Variants in SLIT2 observed in about 807,000 individuals in gnomAD.
The protein encoded by SLIT2 is slit homolog 2 protein.
In SLIT2, 41 loss-of-function variants were observed where a neutral mutation model predicts 185.7. The ratio of observed to expected loss-of-function variants is 0.22; its 90% confidence interval spans 0.17 to 0.29. The LOEUF (loss-of-function observed/expected upper bound fraction) is 0.29. Among genes scored for constraint, SLIT2 ranks in the 10% least tolerant of loss-of-function variants. SLIT2 has a pLI of 1.00. For synonymous variants in SLIT2, 693 were observed against 680.2 expected (o/e 1.02, Z -0.29); for missense variants, 1,571 against 1,909.0 (o/e 0.82, Z 3.30).
intron 33 of SLIT2, among the ~76,000 whole-genome samples, chr4:20,606,507 A>G (rs1394838501): frequency 6.6e-6 from 1 of 151,940 alleles, no homozygotes. Flanking sequence ...ATCTAAAATC[A>G]TGAACTTTAC....
intron 4 of SLIT2, among the ~76,000 whole-genome samples, chr4:20,371,230 C>T (rs1723542294): frequency 6.6e-6 from 1 of 151,970 alleles, no homozygotes; most frequent in Non-Finnish European, 1.5e-5. Context: ...CTCACAGTCA[C>T]ACATGCACAT....
At chr4:20,300,351 C>T (rs1047685890) in intron 4 of SLIT2, among the ~76,000 whole-genome samples, 2 of 151,964 alleles carry the variant, frequency 1.3e-5, no homozygotes, top group Admixed American at 6.6e-5. Flanking sequence ...TAGGGTATAT[C>T]TTATCAAAAG....
At chr4:20,526,736 A>C (rs1424717186) in intron 15 of SLIT2, among the ~76,000 whole-genome samples, 1 of 152,190 alleles carries the variant, frequency 6.6e-6, no homozygotes, top group Non-Finnish European at 1.5e-5. Flanking sequence ...AATTTATGAT[A>C]ATTTAATTTA....
chr4:20,278,646 C>CA (rs1051552995), intron 4 of SLIT2, among the ~76,000 whole-genome samples: 27 of 150,890 alleles, frequency 1.8e-4, no homozygotes, highest in Non-Finnish European at 2.8e-4. Context: ...AAAACAAAAA[C>CA]AAAAAAAACA....
chr4:20,618,868 A>T lies in SLIT2; in HGVS notation c.4449A>T (p.Arg1483Ser), dbSNP rs968419902. 1 of 1,614,156 alleles carries T rather than the reference A, an allele frequency of 6.2e-7. No individual in the cohort carries two copies. The highest frequency in any genetic ancestry group is 8.5e-7 in the Non-Finnish European group (1 of 1,180,022). The change falls in exon 37 of 37, where the codon AGA becomes AGT. Residue 1483 changes from arginine (R) to serine (S), a missense_variant. Arg to Ser is a moderately radical substitution (Grantham distance 110, BLOSUM62 -1). Around this residue, in one of 3 missense-constraint regions of SLIT2, gnomAD observed 223 missense variants for 245.2 expected, o/e 0.91. Transcript: ENST00000504154. ...AGAAGGTGTCCCGATTAGAGTGCAGAGGTGGGTGTGCAGGAGGGCAGTGCT... is the reference window on the plus strand; with the variant it reads ...AGAAGGTGTCCCGATTAGAGTGCAGTGGTGGGTGTGCAGGAGGGCAGTGCT... ...TTKKVSRLECRGGCAGGQCCG... is the reference protein window; with the variant it reads ...TTKKVSRLECSGGCAGGQCCG...
intron 4 of SLIT2, among the ~76,000 whole-genome samples, chr4:20,422,028 C>G (rs1728208074): frequency 6.6e-6 from 1 of 152,180 alleles, no homozygotes; most frequent in African/African-American, 2.4e-5. Context: ...TGCTCTGTCA[C>G]TACCAAGATT....
chr4:20,374,779 G>A (rs1199524188), intron 4 of SLIT2, among the ~76,000 whole-genome samples: 2 of 151,902 alleles, frequency 1.3e-5, no homozygotes, highest in East Asian at 3.9e-4. Flanking sequence ...GCTACATGTT[G>A]TTATAATAAT....
intron 29 of SLIT2, among the ~76,000 whole-genome samples, chr4:20,574,516 G>C (rs1725909817): frequency 6.6e-6 from 1 of 152,170 alleles, no homozygotes. Context: ...ACTGGGCACA[G>C]TGGCTTACGC....
At chr4:20,430,697 T>C (rs537126944) in intron 4 of SLIT2, among the ~76,000 whole-genome samples, 2 of 152,340 alleles carry the variant, frequency 1.3e-5, no homozygotes, top group Admixed American at 6.5e-5. Flanking sequence ...CAATAACACA[T>C]TGTATAAATA....
chr4:20,487,572 G>C (rs1346760825), intron 7 of SLIT2, among the ~76,000 whole-genome samples: 1 of 151,934 alleles, frequency 6.6e-6, no homozygotes, highest in Non-Finnish European at 1.5e-5. Context: ...AATGTGCTTG[G>C]TTTAGACGGA....
intron 10 of SLIT2, 46 bp downstream of exon 10, chr4:20,510,612 G>C: frequency 8.4e-7 from 1 of 1,193,746 alleles, no homozygotes. Flanking sequence ...AAAAATTATA[G>C]AGGTCATGAG....
intron 4 of SLIT2, among the ~76,000 whole-genome samples, chr4:20,321,533 AAAG>A (rs1258872261): frequency 6.6e-6 from 1 of 152,182 alleles, no homozygotes; most frequent in African/African-American, 2.4e-5. Flanking sequence ...CTAAACACAT[AAAG>A]GTCACTTCCT....
intron 4 of SLIT2, among the ~76,000 whole-genome samples, chr4:20,354,898 TGTGTGTGTGAGAGAGAGA>T (rs985038346): frequency 2.4e-5 from 3 of 124,098 alleles, no homozygotes; most frequent in African/African-American, 9.7e-5. Context: ...TGTGTGTGTG[TGTGTGTGTGAGAGAGAGA>T]GAGAGAGAGA....
In SLIT2 at chr4:20,528,647, T is replaced by C. The variant is rs1478863970; in HGVS notation, c.1463-302T>C. ...AAAAAATAAACTTTTTAATAATTAA[T>C]ATCCATTGTGTGACTAGCTGTGAAG... On this transcript the variant is annotated intron_variant, in intron 15 of 36. Transcript: ENST00000504154. This position sits in a 1 kb window ranked among gnomAD's most constrained non-coding sequence, Gnocchi z 4.2. 6.6e-6 allele frequency among the ~76,000 whole-genome samples: 1 copy of C among 152,182 alleles called. No homozygotes were observed. Among genetic ancestry groups the C allele is most frequent in the Non-Finnish European group, 1.5e-5 (1 of 68,028 alleles).
intron 4 of SLIT2, among the ~76,000 whole-genome samples, chr4:20,390,412 G>T (rs1210031342): frequency 6.6e-6 from 1 of 152,074 alleles, no homozygotes; most frequent in Non-Finnish European, 1.5e-5. Flanking sequence ...TGCAGTGGAT[G>T]ATAGGAAAAA....
At chr4:20,533,457 C>A in intron 17 of SLIT2, 115 bp from the exon 18 acceptor site, 1 of 709,620 alleles carries the variant, frequency 1.4e-6, no homozygotes, top group Non-Finnish European at 2.4e-6. Flanking sequence ...CCTGGCAGTG[C>A]TGGGCAGTGA....
rs1223432121 is a variant in SLIT2, at chr4:20,531,964, A to G, written c.1614-20A>G. On this transcript the variant is annotated intron_variant, in intron 16 of 36. Transcript: ENST00000504154. ...TAACTATTGGTAATAAAACTTCTCT[A>G]TTCCTTCTTTTTTCTTCAGGCGTCT... 3 of 1,478,472 alleles carry G rather than the reference A, an allele frequency of 2.0e-6. No individual in the cohort carries two copies. The highest frequency in any genetic ancestry group is 2.8e-6 in the Non-Finnish European group (3 of 1,085,570). 91.6% of individuals were successfully genotyped at this position (1,478,472 alleles called of 1,614,324 possible). A position where few individuals can be genotyped will look rare whatever the true frequency, so the allele number is the denominator to read the frequency against.
intron 7 of SLIT2, among the ~76,000 whole-genome samples, chr4:20,488,227 GGT>G (rs1717436363): frequency 6.6e-6 from 1 of 152,078 alleles, no homozygotes; most frequent in Admixed American, 6.5e-5. Context: ...TTTGAGGCTA[GGT>G]CTCCAGGAGC....
intron 4 of SLIT2, among the ~76,000 whole-genome samples, chr4:20,430,901 G>C (rs949240993): frequency 2.0e-5 from 3 of 151,962 alleles, no homozygotes; most frequent in African/African-American, 7.3e-5. Flanking sequence ...GTATACCATC[G>C]ACACACACGC....
Sources: gnomAD v4.1 joint callset for allele counts (sites outside exome capture counted in the v4.1 genomes callset) on GRCh38, gnomAD v4.1.1 for gene constraint, gnomAD v4.1.1 regional missense constraint, Gnocchi (gnomAD v3.1) non-coding constraint, MANE v1.5 for transcripts, NCBI Gene and HGNC (gene_info 2026-07-23, HGNC 2026-07-21) for gene names.